Variants in TTC21B observed in about 807,000 individuals in gnomAD.
The protein encoded by TTC21B is tetratricopeptide repeat domain 21B.
A neutral mutation model predicts 175.1 loss-of-function variants in TTC21B; 127 were observed. The observed-to-expected ratio is 0.73, with a 90% CI of 0.63 to 0.84. The LOEUF is 0.84. Among genes scored for constraint, TTC21B ranks in the 40% least tolerant of loss-of-function variants. The pLI, the probability that TTC21B is intolerant of heterozygous loss-of-function variation, is 0.00. For missense variants in TTC21B, 1,561 were observed against 1,558.3 expected (o/e 1.00, Z -0.03); for synonymous variants, 524 against 524.5 (o/e 1.00, Z 0.01).
At chr2:165,931,515 T>C (rs1280762237) in intron 8 of TTC21B, among the ~76,000 whole-genome samples, 1 of 152,168 alleles carries the variant, frequency 6.6e-6, no homozygotes, top group African/African-American at 2.4e-5. Context: ...ATTTCCTTTG[T>C]CTGGAAGGCA....
intron 12 of TTC21B, among the ~76,000 whole-genome samples, chr2:165,921,230 T>C (rs1288284113): frequency 1.3e-5 from 2 of 152,148 alleles, no homozygotes; most frequent in Non-Finnish European, 2.9e-5. Context: ...GACTGGAGAT[T>C]GAATTCAATC....
intron 25 of TTC21B, among the ~76,000 whole-genome samples, chr2:165,887,641 C>T (rs187416041): frequency 7.3e-5 from 11 of 151,694 alleles, no homozygotes; most frequent in Non-Finnish European, 1.2e-4. Flanking sequence ...GAGCTGAGAT[C>T]GCGCCATTGC....
intron 22 of TTC21B, 59 bp downstream of exon 22, chr2:165,898,627 G>GT: frequency 8.5e-7 from 1 of 1,178,404 alleles, no homozygotes; most frequent in Middle Eastern, 1.9e-4. Context: ...CTAAACAGAA[G>GT]AAAAAAGGAG....
chr2:165,948,687 T>C (rs1219112894), intron 3 of TTC21B: 2 of 152,260 alleles, frequency 1.3e-5, no homozygotes, highest in South Asian at 2.1e-4. Context: ...CCATTAACTA[T>C]ACATTAAGAC....
At chr2:165,928,505 T>C (rs1396799139) in intron 11 of TTC21B, among the ~76,000 whole-genome samples, 1 of 152,068 alleles carries the variant, frequency 6.6e-6, no homozygotes, top group Non-Finnish European at 1.5e-5. Context: ...AAGAATATCA[T>C]CAGATTCACA....
chr2:165,911,377 C>G lies in TTC21B; in HGVS notation c.2411G>C (p.Trp804Ser), dbSNP rs1268636364. The G allele has an allele frequency of 6.2e-7, 1 of 1,613,796 alleles. No individual in the cohort carries two copies. Among genetic ancestry groups the G allele is most frequent in the Non-Finnish European group, 8.5e-7 (1 of 1,179,870 alleles). ...AAGAACTTTTTCTGCTTTGTCATAC[C>G]ATTTCAATTTTAATAAGAGCTCAGC... ...DLAELLLKLKWYDKAEKVLQH... is the reference protein window; with the variant it reads ...DLAELLLKLKSYDKAEKVLQH... The change falls in exon 18 of 29, where the codon TGG (tryptophan) becomes TCG (serine). Residue 804 changes from tryptophan (W) to serine (S), a missense_variant. Coordinates refer to ENST00000243344, the MANE Select transcript of TTC21B (RefSeq NM_024753.5).
chr2:165,943,284 T>C lies in TTC21B; in HGVS notation c.487A>G (p.Lys163Glu). The change falls in exon 5 of 29, where the codon AAA (lysine) becomes GAA (glutamate). Residue 163 changes from lysine to glutamate, a missense_variant. Coordinates refer to ENST00000243344, the MANE Select transcript of TTC21B (RefSeq NM_024753.5). ...CCCTCTTCAAAATACTTCAGTGCTT[T>C]TTTAGTGTAAGGCTCTTTTCCTCTT... ...ITRGKEPYTK[K>E]ALKYFEEGLQ... The C allele has an allele frequency of 1.9e-6, 3 of 1,612,758 alleles. No homozygotes were observed. The highest frequency in any genetic ancestry group is 2.5e-6 in the Non-Finnish European group (3 of 1,178,768).
chr2:165,923,743 GTTT>G (rs1190876494), intron 12 of TTC21B, among the ~76,000 whole-genome samples: 4 of 107,298 alleles, frequency 3.7e-5, no homozygotes, highest in East Asian at 2.7e-4. Context: ...CGCCCAGCTG[GTTT>G]TTTTTTTTTT....
At position 165,874,269 on chromosome 2, in the gene TTC21B, C is replaced by G. The variant is rs1684598517; in HGVS notation, c.*486G>C. ...GCTGAAGCAGGAGAATCGCGTAAACCCAGGAGGCGGAGGTTGCAGTGAGCC... is the reference window on the plus strand; with the variant it reads ...GCTGAAGCAGGAGAATCGCGTAAACGCAGGAGGCGGAGGTTGCAGTGAGCC... On this transcript the variant is annotated 3_prime_UTR_variant, in exon 29 of 29. Transcript: ENST00000243344. The G allele has an allele frequency of 6.5e-6, 1 of 153,448 alleles. No individual in the cohort carries two copies. The highest frequency in any genetic ancestry group is 1.9e-4 in the East Asian group (1 of 5,234). 9.5% of individuals were successfully genotyped at this position (153,448 alleles called of 1,614,324 possible). A position where few individuals can be genotyped will look rare whatever the true frequency, so the allele number is the denominator to read the frequency against.
rs1361667741 is a variant in TTC21B, at chr2:165,874,015, CA to C, written c.*739del. The C allele has an allele frequency of 5.3e-5, 8 of 151,720 alleles. No individual in the cohort carries two copies. The highest frequency in any genetic ancestry group is 1.9e-4 in the African/African-American group (8 of 41,294). The allele number at this position is 151,720 out of a possible 1,614,324, so 9.4% of individuals were successfully genotyped here. On this transcript the variant is annotated 3_prime_UTR_variant, in exon 29 of 29. Coordinates refer to ENST00000243344, the MANE Select transcript of TTC21B (RefSeq NM_024753.5). ...TATTGTCTTTTTCATGAGTTATTTA[CA>C]GGGAGATTTATTCCAATTTTTGAAA...
At chr2:165,923,442 CTTTTTTT>C (rs772438655) in intron 12 of TTC21B, among the ~76,000 whole-genome samples, 1 of 130,340 alleles carries the variant, frequency 7.7e-6, no homozygotes, top group Non-Finnish European at 1.7e-5. Flanking sequence ...ATATGATGGT[CTTTTTTT>C]TTTTTTTTTT....
intron 28 of TTC21B, 85 bp downstream of exon 28, chr2:165,876,080 T>C (rs755697000): frequency 3.6e-4 from 292 of 809,278 alleles, no homozygotes; most frequent in Non-Finnish European, 5.6e-4. Flanking sequence ...TATCCTCTAT[T>C]TCTATTCACA....
At position 165,919,276 on chromosome 2, in the gene TTC21B, C is replaced by T. The variant is rs142112610; in HGVS notation, c.1674G>A (p.Lys558=). Residue 558 remains lysine, a splice_region_variant and synonymous_variant, in exon 13 of 29, where the codon AAG becomes AAA. Coordinates refer to ENST00000243344, the MANE Select transcript of TTC21B (RefSeq NM_024753.5). ...ATCCACTTCAGTCTGGAATACTTAC[C>T]TTAAAATCATAGCTCAGACAAAGTT... ...SLELCLSYDF[K]VRDYPLYHLI... is the part of the protein sequence containing the mutation. 2.9e-5 allele frequency: 46 copies of T among 1,613,762 alleles called. No individual in the cohort carries two copies. The highest frequency in any genetic ancestry group is 5.3e-5 in the African/African-American group (4 of 74,878).
At chr2:165,877,046 A>G (rs1008083258) in intron 27 of TTC21B, among the ~76,000 whole-genome samples, 3 of 152,258 alleles carry the variant, frequency 2.0e-5, no homozygotes, top group Non-Finnish European at 2.9e-5. Flanking sequence ...AATATTTAAC[A>G]CATTCCTCTT....
chr2:165,950,686 C>T (rs1215569958), intron 1 of TTC21B, among the ~76,000 whole-genome samples: 1 of 152,214 alleles, frequency 6.6e-6, no homozygotes, highest in Non-Finnish European at 1.5e-5. Flanking sequence ...TCTCTGCTCA[C>T]TGCAATCTCT....
chr2:165,917,144 G>A, intron 14 of TTC21B, 113 bp downstream of exon 14: 2 of 988,996 alleles, frequency 2.0e-6, no homozygotes. Flanking sequence ...CTCCCAAAGT[G>A]CTGGGATTAC....
chr2:165,925,712 A>G (rs559424439), intron 11 of TTC21B, among the ~76,000 whole-genome samples: 1 of 152,334 alleles, frequency 6.6e-6, no homozygotes, highest in South Asian at 2.1e-4. Context: ...GCACTGTATA[A>G]TACCCATACA....
rs1574089628 is a variant in TTC21B at position 165,907,788 on chromosome 2, T to A, written c.2462-4A>T. ...ATGAGAGCTGACAGTTCATTTACTATGAAAGAATGGAATGTAATGCAAAAA... is the reference window on the plus strand; with the variant it reads ...ATGAGAGCTGACAGTTCATTTACTAAGAAAGAATGGAATGTAATGCAAAAA... On this transcript the variant is annotated splice_polypyrimidine_tract_variant and splice_region_variant and intron_variant, in intron 18 of 28. Coordinates refer to ENST00000243344, the MANE Select transcript of TTC21B (RefSeq NM_024753.5). 1.3e-6 allele frequency: 2 copies of A among 1,590,742 alleles called. No individual in the cohort carries two copies. Among genetic ancestry groups the A allele is most frequent in the South Asian group, 1.1e-5 (1 of 90,580 alleles).
chr2:165,919,423 T>C lies in TTC21B; in HGVS notation c.1527A>G (p.Glu509=). 1.2e-6 allele frequency: 2 copies of C among 1,614,014 alleles called. No homozygotes were observed. Among genetic ancestry groups the C allele is most frequent in the Non-Finnish European group, 8.5e-7 (1 of 1,179,932 alleles). The change falls in exon 13 of 29, where the codon GAA becomes GAG. Residue 509 remains glutamate, a synonymous_variant. Transcript: ENST00000243344. ...AGTGCTGAAGGTTATTGAAAGCTGC[T>C]TCAATATCACCTAATAAGAAAAACA... ...AKVKYLSGDI[E]AAFNNLQHCL...
Sources: gnomAD v4.1 joint callset for allele counts (sites outside exome capture counted in the v4.1 genomes callset) on GRCh38, gnomAD v4.1.1 for gene constraint, MANE v1.5 for transcripts, NCBI Gene and HGNC (gene_info 2026-07-23, HGNC 2026-07-21) for gene names.